The following CDK14 variants were observed in gnomAD, a reference collection of about 807,000 sequenced individuals.
CDK14 encodes the protein cyclin-dependent kinase 14.
A neutral mutation model predicts 60.7 loss-of-function variants in CDK14; 34 were observed. The observed-to-expected ratio is 0.56, with a 90% CI of 0.43 to 0.75. The LOEUF (loss-of-function observed/expected upper bound fraction) is 0.75, where lower values mean the gene tolerates loss of function less well. Ranked by LOEUF, CDK14 falls within the 30% of genes least tolerant of loss-of-function variation. CDK14 has a pLI of 0.00. For missense variants in CDK14, 482 were observed against 564.1 expected, an observed-to-expected ratio of 0.85 and a Z score of 1.47; for synonymous variants, 197 against 203.7, an observed-to-expected ratio of 0.97 and a Z score of 0.28.
At chr7:90,697,781 T>C (rs1200796970) in intron 2 of CDK14, among the ~76,000 whole-genome samples, 1 of 151,912 alleles carries the variant, frequency 6.6e-6, no homozygotes, top group Non-Finnish European at 1.5e-5. Flanking sequence ...TAAAAAAAAG[T>C]GTTGCGGCCG....
chr7:90,643,242 G>A (rs1379200920), intron 2 of CDK14, among the ~76,000 whole-genome samples: 5 of 152,134 alleles, frequency 3.3e-5, no homozygotes, highest in Non-Finnish European at 5.9e-5. Context: ...GTTCCCACAG[G>A]TTCCCTTTGA....
intron 14 of CDK14, among the ~76,000 whole-genome samples, chr7:91,131,358 A>G (rs1444206973): frequency 1.3e-5 from 2 of 152,112 alleles, no homozygotes; most frequent in African/African-American, 4.8e-5. Flanking sequence ...CACATAAATT[A>G]TCACTGGAGA....
chr7:91,170,842 C>G lies in CDK14; in HGVS notation c.*29-36323C>G, dbSNP rs970874708. ...AGTTCAGTGGCATGATCTCAGCTCA[C>G]TGCAACCTCCACCTCCCGGGTTCAA... On this transcript the variant is annotated intron_variant, in intron 14 of 14. Coordinates refer to ENST00000380050, the MANE Select transcript of CDK14 (RefSeq NM_001287135.2). Among the ~76,000 whole-genome samples, 4 of 149,730 alleles carry G rather than the reference C, an allele frequency of 2.7e-5. No homozygotes were observed. In the East Asian group the frequency reaches 7.9e-4, roughly 30 times the overall value.
intron 6 of CDK14, among the ~76,000 whole-genome samples, chr7:90,893,027 C>T (rs562492697): frequency 1.3e-5 from 2 of 152,250 alleles, no homozygotes; most frequent in East Asian, 3.9e-4. Context: ...ATCTGCCTGC[C>T]TCGGCCTCCC....
At chr7:91,076,045 A>G (rs1477899818) in intron 11 of CDK14, among the ~76,000 whole-genome samples, 1 of 151,984 alleles carries the variant, frequency 6.6e-6, no homozygotes, top group Non-Finnish European at 1.5e-5. Flanking sequence ...CATACTCCCC[A>G]AAGTAATTTA....
At chr7:90,902,311 G>T (rs915448853) in intron 7 of CDK14, among the ~76,000 whole-genome samples, 3 of 152,022 alleles carry the variant, frequency 2.0e-5, no homozygotes, top group African/African-American at 7.2e-5. Flanking sequence ...AAAGAACAAA[G>T]CTGGATACTT....
intron 4 of CDK14, among the ~76,000 whole-genome samples, chr7:90,776,867 T>G (rs1455259566): frequency 6.6e-6 from 1 of 152,156 alleles, no homozygotes; most frequent in African/African-American, 2.4e-5. Flanking sequence ...TCCAAACCTT[T>G]ACAGAAGACG....
rs111877116 is a variant in CDK14, at chr7:91,182,179, A to G, written c.*29-24986A>G. Among the ~76,000 whole-genome samples the G allele has an allele frequency of 3.7e-3, 569 of 152,228 alleles. 5 individuals carry two copies. The highest frequency in any genetic ancestry group is 0.013 in the African/African-American group (527 of 41,558). ...CACACACACTAGCCTCAGAATGGCA[A>G]TATGATTAATGAAAATGGGTTCAGA... On this transcript the variant is annotated intron_variant, in intron 14 of 14. Coordinates refer to ENST00000380050, the MANE Select transcript of CDK14 (RefSeq NM_001287135.2).
intron 14 of CDK14, among the ~76,000 whole-genome samples, chr7:91,140,378 T>C (rs1472322277): frequency 6.6e-6 from 1 of 152,192 alleles, no homozygotes; most frequent in East Asian, 1.9e-4. Flanking sequence ...AGCCAGAACC[T>C]TATGTCGAAC....
chr7:90,710,628 A>G, intron 2 of CDK14: 2 of 842,606 alleles, frequency 2.4e-6, no homozygotes, highest in Non-Finnish European at 2.9e-6. Flanking sequence ...AGAAGTGATA[A>G]TTCTTCGTGC....
At chr7:90,727,906 T>G (rs1308982255) in intron 3 of CDK14, among the ~76,000 whole-genome samples, 1 of 152,144 alleles carries the variant, frequency 6.6e-6, no homozygotes, top group Non-Finnish European at 1.5e-5. Flanking sequence ...TTACATGTCT[T>G]TCTTGTTCTT....
chr7:90,788,872 T>C (rs1262325182), intron 4 of CDK14, among the ~76,000 whole-genome samples: 2 of 152,142 alleles, frequency 1.3e-5, no homozygotes, highest in Non-Finnish European at 2.9e-5. Context: ...CAAGAGACCA[T>C]TTTTGACCTA....
At chr7:90,726,867 T>C (rs977837082) in intron 3 of CDK14, 55 bp downstream of exon 3, 6 of 1,586,652 alleles carry the variant, frequency 3.8e-6, no homozygotes, top group African/African-American at 1.4e-5. Flanking sequence ...AGCCTTCTTA[T>C]GATAGCATGC....
intron 8 of CDK14, among the ~76,000 whole-genome samples, chr7:90,918,319 A>G (rs1290343456): frequency 6.6e-6 from 1 of 152,232 alleles, no homozygotes; most frequent in Non-Finnish European, 1.5e-5. Flanking sequence ...GCAAAAATAG[A>G]CACTTATTAC....
intron 7 of CDK14, among the ~76,000 whole-genome samples, chr7:90,901,937 A>G (rs916415018): frequency 6.6e-6 from 1 of 152,096 alleles, no homozygotes; most frequent in Non-Finnish European, 1.5e-5. Context: ...CAAAATCAAC[A>G]TATAAAAATT....
intron 4 of CDK14, among the ~76,000 whole-genome samples, chr7:90,768,928 T>C (rs1329228189): frequency 1.3e-5 from 2 of 152,096 alleles, no homozygotes; most frequent in Non-Finnish European, 2.9e-5. Context: ...ATAGTGTCGA[T>C]TTTTGATAGT....
chr7:90,645,501 G>GT (rs1800446120), intron 2 of CDK14, among the ~76,000 whole-genome samples: 1 of 152,080 alleles, frequency 6.6e-6, no homozygotes, highest in African/African-American at 2.4e-5. Flanking sequence ...GAGCATCTGA[G>GT]TGAAGGTGTT....
rs894233525 is a variant in CDK14, at chr7:90,761,488, C to T, written c.464+13713C>T. On this transcript the variant is annotated intron_variant, in intron 4 of 14. Transcript: ENST00000380050. ...CTTCAGGTTAAAGCATACCCATGTT[C>T]CTGAGCTGCTTTATTGTTACTGTCA... Among the ~76,000 whole-genome samples the T allele has an allele frequency of 5.9e-5, 9 of 152,082 alleles. No homozygotes were observed. The East Asian group carries it at 1.7e-3, about 29-fold the overall frequency.
intron 3 of CDK14, among the ~76,000 whole-genome samples, chr7:90,739,753 C>A (rs1391947453): frequency 6.6e-6 from 1 of 152,152 alleles, no homozygotes; most frequent in Non-Finnish European, 1.5e-5. Flanking sequence ...AACACACAGA[C>A]CTCTCATTCT....
Sources: allele counts gnomAD v4.1 joint callset (sites outside exome capture counted in the v4.1 genomes callset), GRCh38; gene constraint gnomAD v4.1.1; transcripts MANE v1.5; gene names NCBI Gene and HGNC (gene_info 2026-07-23, HGNC 2026-07-21).